The following FHL5 variants were observed in gnomAD, a reference collection of about 807,000 sequenced individuals.
The protein encoded by FHL5 is four and a half LIM domains protein 5.
Under a neutral mutation model 32.0 loss-of-function variants are expected in FHL5, and 33 were observed. The observed-to-expected ratio is 1.03, with a 90% CI of 0.78 to 1.38. FHL5 has a LOEUF of 1.38. Ranked by LOEUF, FHL5 falls within the 40% of genes most tolerant of loss-of-function variation. FHL5 has a pLI of 0.00. For synonymous variants in FHL5, 114 were observed against 113.6 expected (o/e 1.00, Z -0.02); for missense variants, 336 against 343.9 (o/e 0.98, Z 0.18).
intron 1 of FHL5, among the ~76,000 whole-genome samples, chr6:96,576,426 C>T (rs761544503): frequency 6.6e-6 from 1 of 152,206 alleles, no homozygotes; most frequent in Non-Finnish European, 1.5e-5. Context: ...ACCACACGAA[C>T]ATGCAGCCAG....
Position 96,610,605 on chromosome 6 carries a change from C to A in FHL5, c.538C>A (p.Gln180Lys), listed in dbSNP as rs749264505. 1.9e-6 allele frequency: 3 copies of A among 1,613,842 alleles called. No individual in the cohort carries two copies. In the South Asian group the frequency reaches 3.3e-5, roughly 18 times the overall value. ...ITSGGITFCD[Q>K]LWHKECFLCS... ...TTCAGGTGGGATAACATTTTGTGAC[C>A]AGCTATGGCATAAAGAGTGTTTTCT... The change falls in exon 5 of 6, where the codon CAG becomes AAG. Residue 180 changes from glutamine to lysine, a missense_variant. By Grantham distance (53) the Gln-to-Lys change is moderately conservative. Transcript: ENST00000450218.
intron 1 of FHL5, among the ~76,000 whole-genome samples, chr6:96,564,410 C>T (rs1770309562): frequency 6.6e-6 from 1 of 152,148 alleles, no homozygotes; most frequent in South Asian, 2.1e-4. Context: ...TGTCTGTTTT[C>T]TACACTTGTT....
At chr6:96,592,647 A>C (rs1204715352) in intron 1 of FHL5, among the ~76,000 whole-genome samples, 1 of 152,132 alleles carries the variant, frequency 6.6e-6, no homozygotes, top group Non-Finnish European at 1.5e-5. Flanking sequence ...AAATCTTCAC[A>C]ATTTATGTTT....
intron 5 of FHL5, 149 bp downstream of exon 5, chr6:96,610,907 G>A (rs1317139446): frequency 3.3e-6 from 2 of 608,254 alleles, no homozygotes; most frequent in Non-Finnish European, 5.8e-6. Flanking sequence ...GCATATATAT[G>A]AGTATAAATA....
intron 1 of FHL5, among the ~76,000 whole-genome samples, chr6:96,571,035 C>A (rs1228808073): frequency 4.0e-5 from 6 of 151,816 alleles, no homozygotes; most frequent in Non-Finnish European, 8.8e-5. Context: ...TTATTATATT[C>A]CTTTGTTGGT....
chr6:96,594,310 T>A (rs1196703754), intron 1 of FHL5, among the ~76,000 whole-genome samples: 2 of 145,350 alleles, frequency 1.4e-5, no homozygotes, highest in African/African-American at 5.1e-5. Flanking sequence ...TGTCTTATAA[T>A]TTTTTGCCTG....
At chr6:96,604,335 C>T (rs988168011) in intron 2 of FHL5, among the ~76,000 whole-genome samples, 7 of 150,894 alleles carry the variant, frequency 4.6e-5, no homozygotes, top group African/African-American at 1.5e-4. Flanking sequence ...CTCTCTCTGT[C>T]TCTTTCTTCC....
chr6:96,594,224 AATTT>A (rs1382677694), intron 1 of FHL5, among the ~76,000 whole-genome samples: 9 of 102,710 alleles, frequency 8.8e-5, no homozygotes, highest in East Asian at 3.1e-4. Context: ...TAAATATTAG[AATTT>A]ATATATATAT....
chr6:96,596,295 C>A (rs1003181946), intron 1 of FHL5, among the ~76,000 whole-genome samples: 4 of 152,164 alleles, frequency 2.6e-5, no homozygotes, highest in African/African-American at 9.6e-5. Flanking sequence ...AGTTCGGCAA[C>A]ACATTTTATT....
intron 1 of FHL5, among the ~76,000 whole-genome samples, chr6:96,598,614 G>T (rs1477549065): frequency 1.3e-5 from 2 of 152,156 alleles, no homozygotes; most frequent in African/African-American, 4.8e-5. Context: ...TATTTTTAGT[G>T]CACTCCCAAA....
intron 1 of FHL5, among the ~76,000 whole-genome samples, chr6:96,594,004 T>C (rs1770975643): frequency 6.6e-6 from 1 of 151,788 alleles, no homozygotes; most frequent in Non-Finnish European, 1.5e-5. Context: ...CATTAGTTTG[T>C]TTCATTTCAA....
chr6:96,576,036 T>G (rs1462466767), intron 1 of FHL5, among the ~76,000 whole-genome samples: 1 of 152,196 alleles, frequency 6.6e-6, no homozygotes, highest in Non-Finnish European at 1.5e-5. Flanking sequence ...ACCACTCCCC[T>G]GCTCATGCTA....
rs1055284014 is a variant in FHL5 at position 96,618,295 on chromosome 6, G to T, written c.*2523G>T. 4.5e-4 allele frequency among the ~76,000 whole-genome samples: 68 copies of T among 152,206 alleles called. No homozygotes were observed. Among genetic ancestry groups the T allele is most frequent in the African/African-American group, 1.5e-3 (64 of 41,458 alleles). ...TAATTCAAAGGTGACATCTGCATGG[G>T]CAGGAAAGAAGTTAAAAGCAAATCC... On this transcript the variant is annotated 3_prime_UTR_variant, in exon 6 of 6. Transcript: ENST00000450218.
At chr6:96,612,582 T>C (rs1028221684) in intron 5 of FHL5, among the ~76,000 whole-genome samples, 3 of 152,102 alleles carry the variant, frequency 2.0e-5, no homozygotes, top group African/African-American at 7.2e-5. Flanking sequence ...TTTTTAAAGT[T>C]GAGATGGAAA....
chr6:96,608,269 C>T (rs1771326178), intron 4 of FHL5, among the ~76,000 whole-genome samples: 1 of 152,106 alleles, frequency 6.6e-6, no homozygotes, highest in African/African-American at 2.4e-5. Context: ...TGATGTTTCC[C>T]AGGTTATTGG....
chr6:96,613,903 T>A (rs1771463670), intron 5 of FHL5, among the ~76,000 whole-genome samples: 1 of 152,190 alleles, frequency 6.6e-6, no homozygotes, highest in East Asian at 1.9e-4. Flanking sequence ...CTTAGAATAG[T>A]AATTGGCACA....
intron 1 of FHL5, among the ~76,000 whole-genome samples, chr6:96,594,479 T>G (rs1770995076): frequency 2.0e-5 from 3 of 151,684 alleles, no homozygotes; most frequent in Admixed American, 2.0e-4. Context: ...AATATTAAAT[T>G]AGGCCGACCT....
At chr6:96,615,579 G>C in intron 5 of FHL5, 30 bp from the exon 6 acceptor site, 1 of 1,569,094 alleles carries the variant, frequency 6.4e-7, no homozygotes, top group Non-Finnish European at 8.7e-7. Context: ...TGAAAGGATA[G>C]ATTAATCTTT....
rs1771169538 is a variant in FHL5 at position 96,602,426 on chromosome 6, C to CTTTCTTTTTTTTTT, written c.-12-1173_-12-1172insCTTTTTTTTTTTTT. 1.5e-4 allele frequency among the ~76,000 whole-genome samples: 5 copies of CTTTCTTTTTTTTTT among 33,684 alleles called. 2 individuals are homozygous for CTTTCTTTTTTTTTT. Among genetic ancestry groups the CTTTCTTTTTTTTTT allele is most frequent in the Non-Finnish European group, 2.6e-4 (4 of 15,326 alleles). 22.1% of individuals were successfully genotyped at this position (33,684 alleles called of 152,430 possible). A position where few individuals can be genotyped will look rare whatever the true frequency, so the allele number is the denominator to read the frequency against. ...ACCTGGAAATCTATATGCGTTGTTT[C>CTTTCTTTTTTTTTT]TTTTTTTTTTTTTTTTTTTTTTTTT... On this transcript the variant is annotated intron_variant, in intron 1 of 5. Coordinates refer to ENST00000450218, the MANE Select transcript of FHL5 (RefSeq NM_001322466.2).
Sources: gnomAD v4.1 joint callset for allele counts (sites outside exome capture counted in the v4.1 genomes callset) on GRCh38, gnomAD v4.1.1 for gene constraint, MANE v1.5 for transcripts, NCBI Gene and HGNC (gene_info 2026-07-23, HGNC 2026-07-21) for gene names.